LNPEP: variants seen among roughly 807,000 people sequenced by gnomAD.
LNPEP encodes the protein leucyl-cystinyl aminopeptidase.
Under a neutral mutation model 120.6 loss-of-function variants are expected in LNPEP, and 64 were observed. That is an observed-to-expected ratio of 0.53 (90% CI 0.43 to 0.65). The LOEUF (loss-of-function observed/expected upper bound fraction) is 0.65. LNPEP is among the 30% of genes least tolerant of loss of function. The pLI is 0.00. For synonymous variants in LNPEP, 435 were observed against 425.4 expected (o/e 1.02, Z -0.28); for missense variants, 1,057 against 1,200.0 (o/e 0.88, Z 1.76).
At chr5:97,014,892 T>C (rs930842669) in intron 12 of LNPEP, 47 bp from the exon 13 acceptor site, 7 of 1,355,406 alleles carry the variant, frequency 5.2e-6, no homozygotes, top group Middle Eastern at 1.9e-4. Flanking sequence ...ATAGACTTCT[T>C]CTGTGTGTCT....
chr5:96,974,635 C>A (rs1789944676), intron 1 of LNPEP, among the ~76,000 whole-genome samples: 1 of 152,094 alleles, frequency 6.6e-6, no homozygotes, highest in South Asian at 2.1e-4. Context: ...CTACTACATA[C>A]CTTCAAAGAA....
At chr5:96,951,192 T>C (rs1004902615) in intron 1 of LNPEP, among the ~76,000 whole-genome samples, 4 of 151,828 alleles carry the variant, frequency 2.6e-5, no homozygotes, top group African/African-American at 4.8e-5. Context: ...GAATTTAACC[T>C]TAATTACCAT....
At chr5:96,984,947 C>A in intron 2 of LNPEP, 133 bp from the exon 3 acceptor site, 1 of 907,126 alleles carries the variant, frequency 1.1e-6, no homozygotes, top group Non-Finnish European at 1.7e-6. Context: ...ATTGTATAAA[C>A]CTCTGCCTTT....
chr5:97,029,218 GA>G lies in LNPEP; in HGVS notation c.*687del, dbSNP rs1791423540. On this transcript the variant is annotated 3_prime_UTR_variant, in exon 18 of 18. Coordinates refer to ENST00000231368, the MANE Select transcript of LNPEP (RefSeq NM_005575.3). ...ACAAGGCCAAAAGGTTAAATTTTTT[GA>G]ATATTTAAGACTTTCTTTTTCATCT... 1 of 152,218 alleles carries G rather than the reference GA, an allele frequency of 6.6e-6. No homozygotes were observed. The highest frequency in any genetic ancestry group is 1.5e-5 in the Non-Finnish European group (1 of 67,994). 9.4% of individuals were successfully genotyped at this position (152,218 alleles called of 1,614,324 possible).
intron 8 of LNPEP, among the ~76,000 whole-genome samples, chr5:96,998,849 G>A (rs1487102340): frequency 6.6e-6 from 1 of 152,144 alleles, no homozygotes; most frequent in Non-Finnish European, 1.5e-5. Flanking sequence ...TTTTGCCTAG[G>A]ATAAGGAAGA....
chr5:97,027,829 A>G lies in LNPEP; in HGVS notation c.2946+15A>G, dbSNP rs372716160. 1.1e-3 allele frequency: 1,619 copies of G among 1,509,092 alleles called. 41 individuals are homozygous for G. In the South Asian group the frequency reaches 0.017, roughly 15 times the overall value. 93.5% of individuals were successfully genotyped at this position (1,509,092 alleles called of 1,614,324 possible). A position where few individuals can be genotyped will look rare whatever the true frequency, so the allele number is the denominator to read the frequency against. Reference sequence around the variant, plus strand: ...ATTTATCTGAGGTTGGTTTTATAAAATGATAATACAGAGACTGGGCAACCC... The same window carrying G: ...ATTTATCTGAGGTTGGTTTTATAAAGTGATAATACAGAGACTGGGCAACCC... On this transcript the variant is annotated intron_variant, in intron 17 of 17. Coordinates refer to ENST00000231368, the MANE Select transcript of LNPEP (RefSeq NM_005575.3).
At chr5:96,951,228 A>G (rs1335197051) in intron 1 of LNPEP, among the ~76,000 whole-genome samples, 2 of 146,948 alleles carry the variant, frequency 1.4e-5, no homozygotes, top group Non-Finnish European at 1.5e-5. Context: ...TCCAAATGCA[A>G]TCACAATGGG....
At chr5:97,010,262 G>T (rs186077358) in intron 11 of LNPEP, 3 of 963,256 alleles carry the variant, frequency 3.1e-6, no homozygotes, top group African/African-American at 1.8e-5. Context: ...GGAGATTTTC[G>T]TATTAAATCT....
chr5:96,960,623 C>A (rs754352586), intron 1 of LNPEP, among the ~76,000 whole-genome samples: 1 of 152,140 alleles, frequency 6.6e-6, no homozygotes, highest in African/African-American at 2.4e-5. Context: ...TAAATCTCTT[C>A]AGACTAGTGT....
At chr5:96,941,379 A>AAGGCCC (rs1384759633) in intron 1 of LNPEP, among the ~76,000 whole-genome samples, 1 of 152,222 alleles carries the variant, frequency 6.6e-6, no homozygotes, top group Non-Finnish European at 1.5e-5. Context: ...GGGGTTGGGC[A>AAGGCCC]AACCTACTGT....
At chr5:96,949,148 G>T (rs1404249468) in intron 1 of LNPEP, among the ~76,000 whole-genome samples, 1 of 152,182 alleles carries the variant, frequency 6.6e-6, no homozygotes, top group African/African-American at 2.4e-5. Flanking sequence ...ATTATAGGAG[G>T]ATTCTTTCCA....
chr5:97,007,786 T>C lies in LNPEP; in HGVS notation c.2035+1271T>C, dbSNP rs1008885259. 6.6e-5 allele frequency among the ~76,000 whole-genome samples: 10 copies of C among 152,316 alleles called. 1 individual carries two copies. Among genetic ancestry groups the C allele is most frequent in the Admixed American group, 5.9e-4 (9 of 15,304 alleles). ...TATTGCCTTAATTAAATATTTCAAA[T>C]CTTAAAGGTTTTTCCATTATATGAA... On this transcript the variant is annotated intron_variant, in intron 11 of 17. Coordinates refer to ENST00000231368, the MANE Select transcript of LNPEP (RefSeq NM_005575.3).
chr5:97,025,525 T>G (rs1010148867), intron 15 of LNPEP, among the ~76,000 whole-genome samples: 2 of 152,222 alleles, frequency 1.3e-5, no homozygotes, highest in African/African-American at 2.4e-5. Flanking sequence ...GATAAAGAAT[T>G]TAAACAGTAC....
chr5:96,940,437 T>C (rs915317961), intron 1 of LNPEP, among the ~76,000 whole-genome samples: 6 of 151,116 alleles, frequency 4.0e-5, no homozygotes, highest in African/African-American at 1.5e-4. Context: ...TAGACACAGT[T>C]ACATTAAAAA....
chr5:96,950,621 AGTATGAGCTGAG>A (rs1307285711), intron 1 of LNPEP, among the ~76,000 whole-genome samples: 2 of 152,248 alleles, frequency 1.3e-5, no homozygotes, highest in Admixed American at 6.5e-5. Flanking sequence ...AATTAGTTGC[AGTATGAGCTGAG>A]GTATGAAAGC....
rs79684461 is a variant in LNPEP, at chr5:97,010,421, C to T, written c.2036-3227C>T. 1.5e-5 allele frequency: 15 copies of T among 984,654 alleles called. No homozygotes were observed. In the East Asian group the frequency reaches 1.5e-3, roughly 97 times the overall value. 61.0% of individuals were successfully genotyped at this position (984,654 alleles called of 1,614,324 possible). ...AATATTTATCATGTGCCATTCTCTG[C>T]TCTTGCCTTTTTTTCCCCTAATAAA... is the stretch of plus-strand genomic sequence containing the variant. On this transcript the variant is annotated intron_variant, in intron 11 of 17. Transcript: ENST00000231368.
chr5:96,942,627 C>T lies in LNPEP; in HGVS notation c.19+6453C>T, dbSNP rs1789082538. ...CGAGATCGTGCCACTGCATTCCAGC[C>T]TGGTGACAGAGCGAGACTCCATCTC... On this transcript the variant is annotated intron_variant, in intron 1 of 17. Coordinates refer to ENST00000231368, the MANE Select transcript of LNPEP (RefSeq NM_005575.3). 2.0e-5 allele frequency among the ~76,000 whole-genome samples: 3 copies of T among 146,524 alleles called. No homozygotes were observed. In the South Asian group the frequency reaches 6.5e-4, roughly 32 times the overall value.
rs1791348603 is a variant in LNPEP, at chr5:97,026,674, C to T, written c.2781C>T (p.Ile927=). 6.2e-7 allele frequency: 1 copy of T among 1,612,736 alleles called. No individual in the cohort carries two copies. The highest frequency in any genetic ancestry group is 8.5e-7 in the Non-Finnish European group (1 of 1,178,758). ...DNFRTQKLSF[I]IRTVGRHFPG... is the part of the protein sequence containing the mutation. ...TCCGAACACAGAAGCTGTCTTTTAT[C>T]ATTAGAACAGTGGGTCGACATTTTC... Residue 927 remains isoleucine (I), a synonymous_variant, in exon 16 of 18, where the codon ATC becomes ATT. Transcript: ENST00000231368.
At chr5:97,022,166 T>C in intron 13 of LNPEP, 134 bp from the exon 14 acceptor site, 1 of 598,150 alleles carries the variant, frequency 1.7e-6, no homozygotes, top group Non-Finnish European at 2.9e-6. Context: ...TGACCTCAGG[T>C]GATCTGCCCG....
Sources: gnomAD v4.1 joint callset for allele counts (sites outside exome capture counted in the v4.1 genomes callset) on GRCh38, gnomAD v4.1.1 for gene constraint, MANE v1.5 for transcripts, NCBI Gene and HGNC (gene_info 2026-07-23, HGNC 2026-07-21) for gene names.